The following TF variants were observed in gnomAD, a reference collection of about 807,000 sequenced individuals.
TF encodes serotransferrin.
In TF, 55 loss-of-function variants were observed where a neutral mutation model predicts 82.4. The ratio of observed to expected loss-of-function variants is 0.67; its 90% CI spans 0.54 to 0.84. The LOEUF (loss-of-function observed/expected upper bound fraction) is 0.84. Among genes scored for constraint, TF ranks in the 40% least tolerant of loss-of-function variants. TF has a pLI of 0.00. For missense variants in TF, 737 were observed against 868.4 expected (o/e 0.85, Z 1.90); for synonymous variants, 332 against 332.6 (o/e 1.00, Z 0.02).
At chr3:133,666,832 C>T in the TF span, among the ~76,000 whole-genome samples, 2,298 of 151,856 alleles carry the variant, frequency 0.015, 66 homozygotes, top group African/African-American at 0.052. Flanking sequence ...GTCAGAAGAT[C>T]GAGACCATCC....
chr3:133,754,112 C>T, intron 3 of TF: 1 of 415,466 alleles, frequency 2.4e-6, no homozygotes, highest in Non-Finnish European at 4.5e-6. Flanking sequence ...TGAGATCAAC[C>T]TGACTGTCTC....
At chr3:133,773,656 C>G (rs191042399) in intron 14 of TF, 19 of 152,254 alleles carry the variant, frequency 1.2e-4, no homozygotes, top group African/African-American at 4.6e-4. Flanking sequence ...CACCAATAAA[C>G]GTGTATTATT....
At chr3:133,715,380 C>G in the TF span, among the ~76,000 whole-genome samples, 1 of 152,210 alleles carries the variant, frequency 6.6e-6, no homozygotes, top group African/African-American at 2.4e-5. Flanking sequence ...CTTCCCTCCT[C>G]CTACTGGGGT....
In TF at chr3:133,791,883, T is replaced by A. The variant is rs1014289275; in HGVS notation, c.*13263T>A. 6.6e-6 allele frequency: 1 copy of A among 152,176 alleles called. No individual in the cohort carries two copies. Among genetic ancestry groups the A allele is most frequent in the Non-Finnish European group, 1.5e-5 (1 of 68,022 alleles). 9.4% of individuals were successfully genotyped at this position (152,176 alleles called of 1,614,324 possible). On this transcript the variant is annotated 3_prime_UTR_variant, in exon 17 of 17. Coordinates refer to ENST00000402696, the MANE Select transcript of TF (RefSeq NM_001063.4). ...GAGCATTAATTAATTAGCTTAATAA[T>A]AATAAGAGCTTAAATCAAATATTTT...
At chr3:133,709,117 G>A in the TF span, among the ~76,000 whole-genome samples, 1 of 152,210 alleles carries the variant, frequency 6.6e-6, no homozygotes. Flanking sequence ...TGCATTTGCT[G>A]TAATAGCTTC....
the TF span, chr3:133,699,385 C>A: frequency 1.1e-6 from 1 of 878,224 alleles, no homozygotes; most frequent in Non-Finnish European, 1.7e-6. Flanking sequence ...GGGCATGGGT[C>A]ATCCTAACTA....
upstream of TF, among the ~76,000 whole-genome samples, chr3:133,741,555 T>C (rs1241733846): frequency 6.6e-6 from 1 of 152,182 alleles, no homozygotes; most frequent in Non-Finnish European, 1.5e-5. Flanking sequence ...TCTGTAGATT[T>C]TTATGGTACA....
chr3:133,772,851 A>C (rs1197700043), intron 14 of TF: 3 of 152,236 alleles, frequency 2.0e-5, no homozygotes, highest in Non-Finnish European at 4.4e-5. Flanking sequence ...CCTGATAAAT[A>C]TTACTAAATG....
rs150241861 is a variant in TF, at chr3:133,771,476, G to A, written c.1687+904G>A. ...TGTTAAGCCGGGCGCAGTGGCTCACGCCTGTAATCCCAGAACTTTGGGAGG... is the reference window on the plus strand; with the variant it reads ...TGTTAAGCCGGGCGCAGTGGCTCACACCTGTAATCCCAGAACTTTGGGAGG... On this transcript the variant is annotated intron_variant, in intron 14 of 16. Transcript: ENST00000402696. 5.6e-3 allele frequency among the ~76,000 whole-genome samples: 847 copies of A among 152,192 alleles called. 20 individuals are homozygous for A. The highest frequency in any genetic ancestry group is 0.036 in the Admixed American group (554 of 15,302).
intron 14 of TF, among the ~76,000 whole-genome samples, chr3:133,772,446 C>T (rs980647033): frequency 9.9e-5 from 15 of 152,180 alleles, no homozygotes; most frequent in African/African-American, 3.6e-4. Flanking sequence ...AATTCCATTC[C>T]AGTCTATTTC....
intron 2 of TF, among the ~76,000 whole-genome samples, chr3:133,751,414 G>A (rs1285099513): frequency 1.3e-5 from 2 of 151,830 alleles, no homozygotes; most frequent in African/African-American, 4.8e-5. Context: ...TGTATTTTTA[G>A]TAGAGACGGG....
chr3:133,778,909 C>T lies in TF; in HGVS notation c.*289C>T. On this transcript the variant is annotated 3_prime_UTR_variant, in exon 17 of 17. Transcript: ENST00000402696. ...TCAAGATTCGTCTGGTCTTTCCCTA[C>T]AGCTTTGTGTGTGCCATGGCCACAT... The T allele has an allele frequency of 5.4e-6, 2 of 371,612 alleles. No homozygotes were observed. Among genetic ancestry groups the T allele is most frequent in the Non-Finnish European group, 1.0e-5 (2 of 194,656 alleles). The allele number at this position is 371,612 out of a possible 1,614,324, so 23.0% of individuals were successfully genotyped here.
the TF span, among the ~76,000 whole-genome samples, chr3:133,711,010 A>G: frequency 6.6e-6 from 1 of 152,186 alleles, no homozygotes; most frequent in Non-Finnish European, 1.5e-5. Flanking sequence ...TGCTTCCCCC[A>G]TGACCTCTCA....
In TF at chr3:133,775,537, C is replaced by CTGGCCAGAGCCCCGAA; in HGVS notation, c.1794_1809dup (p.His604GlyfsTer14). ...TGTGGAGGAGTATGCGAACTGCCAC[C>CTGGCCAGAGCCCCGAA]TGGCCAGAGCCCCGAATCACGCTGT... On this transcript the variant is annotated frameshift_variant, in exon 15 of 17. Coordinates refer to ENST00000402696, the MANE Select transcript of TF (RefSeq NM_001063.4). LOFTEE classifies it high-confidence loss of function. 6.2e-7 allele frequency: 1 copy of CTGGCCAGAGCCCCGAA among 1,614,200 alleles called. No homozygotes were observed. Among genetic ancestry groups the CTGGCCAGAGCCCCGAA allele is most frequent in the Non-Finnish European group, 8.5e-7 (1 of 1,180,030 alleles).
chr3:133,777,302 G>C (rs1934419783), intron 16 of TF, 64 bp downstream of exon 16: 2 of 1,539,728 alleles, frequency 1.3e-6, no homozygotes, highest in Admixed American at 3.4e-5. Context: ...TGGGATGGTG[G>C]GTGGGTACAG....
chr3:133,672,840 GAGA>G, the TF span, among the ~76,000 whole-genome samples: 1 of 151,930 alleles, frequency 6.6e-6, no homozygotes, highest in Non-Finnish European at 1.5e-5. Flanking sequence ...AAGAGAATAA[GAGA>G]AGTTTACCAC....
chr3:133,694,888 T>TTATTTATTA, the TF span, among the ~76,000 whole-genome samples: 1,322 of 145,308 alleles, frequency 9.1e-3, 13 homozygotes, highest in Middle Eastern at 0.018. Flanking sequence ...ATTTATTTAT[T>TTATTTATTA]ATTATTATTA....
chr3:133,789,948 G>C lies in TF; in HGVS notation c.*11328G>C, dbSNP rs2107951594. 1 of 131,484 alleles carries C rather than the reference G, an allele frequency of 7.6e-6. No individual in the cohort carries two copies. The highest frequency in any genetic ancestry group is 2.3e-4 in the East Asian group (1 of 4,390). 8.1% of individuals were successfully genotyped at this position (131,484 alleles called of 1,614,324 possible). On this transcript the variant is annotated 3_prime_UTR_variant, in exon 17 of 17. Transcript: ENST00000402696. Reference sequence around the variant, plus strand: ...ATTTAATGTTAGCTAAATCTTCTGGGTTACTGGCAAAAATACGTATGTATT... The same window carrying C: ...ATTTAATGTTAGCTAAATCTTCTGGCTTACTGGCAAAAATACGTATGTATT...
At chr3:133,741,460 C>A (rs1397153025), upstream of TF, among the ~76,000 whole-genome samples, 1 of 152,126 alleles carries the variant, frequency 6.6e-6, no homozygotes, top group African/African-American at 2.4e-5. Context: ...AAAAGGATGA[C>A]CAGAAATGAT....
Sources: allele counts gnomAD v4.1 joint callset (sites outside exome capture counted in the v4.1 genomes callset), GRCh38; gene constraint gnomAD v4.1.1; transcripts MANE v1.5; gene names NCBI Gene and HGNC (gene_info 2026-07-23, HGNC 2026-07-21).